Variants in CNTN5 observed in about 807,000 individuals in gnomAD.
CNTN5 encodes contactin 5, also known as contactin-5.
A neutral mutation model predicts 129.1 loss-of-function variants in CNTN5; 77 were observed. The observed-to-expected ratio is 0.60, with a 90% confidence interval of 0.50 to 0.72. CNTN5 has a LOEUF of 0.72. CNTN5 is among the 30% of genes least tolerant of loss of function. The pLI is 0.00. For missense variants in CNTN5, 1,478 were observed against 1,328.8 expected, an observed-to-expected ratio of 1.11 and a Z score of -1.75; for synonymous variants, 509 against 465.6, an observed-to-expected ratio of 1.09 and a Z score of -1.20.
At chr11:99,679,322 C>G (rs898189659) in intron 3 of CNTN5, among the ~76,000 whole-genome samples, 1 of 151,680 alleles carries the variant, frequency 6.6e-6, no homozygotes, top group African/African-American at 2.4e-5. Context: ...TGTGGAGATA[C>G]CTTGTGCTTT....
At chr11:99,608,223 T>G (rs1950488242) in intron 3 of CNTN5, among the ~76,000 whole-genome samples, 1 of 152,194 alleles carries the variant, frequency 6.6e-6, no homozygotes, top group Non-Finnish European at 1.5e-5. Flanking sequence ...TAAATATGTG[T>G]TGTCCCATCT....
chr11:100,051,476 A>G (rs1942953198), intron 9 of CNTN5, among the ~76,000 whole-genome samples: 2 of 151,970 alleles, frequency 1.3e-5, no homozygotes, highest in African/African-American at 2.4e-5. Context: ...TGTGTGTGAT[A>G]TAGTTAAAGC....
intron 1 of CNTN5, among the ~76,000 whole-genome samples, chr11:99,244,791 T>G (rs1182319303): frequency 1.3e-5 from 2 of 152,142 alleles, no homozygotes; most frequent in Non-Finnish European, 1.5e-5. Flanking sequence ...ATTTGAGAAT[T>G]TTCACCACAT....
chr11:100,190,644 C>T (rs754366123), intron 13 of CNTN5, among the ~76,000 whole-genome samples: 3 of 151,988 alleles, frequency 2.0e-5, no homozygotes, highest in Non-Finnish European at 4.4e-5. Context: ...CTGGTGGCAA[C>T]GCAGAATAAC....
intron 1 of CNTN5, among the ~76,000 whole-genome samples, chr11:99,282,049 C>T (rs1591465406): frequency 1.3e-5 from 2 of 152,062 alleles, no homozygotes; most frequent in East Asian, 1.9e-4. Flanking sequence ...TATGAAACTA[C>T]ACAAGAATGA....
At chr11:99,876,774 A>C (rs1948643222) in intron 6 of CNTN5, among the ~76,000 whole-genome samples, 1 of 152,138 alleles carries the variant, frequency 6.6e-6, no homozygotes. Flanking sequence ...TTTTACACTT[A>C]ATGAGGCTCA....
intron 13 of CNTN5, among the ~76,000 whole-genome samples, chr11:100,172,128 C>T (rs1895124): frequency 3.3e-5 from 5 of 151,858 alleles, no homozygotes; most frequent in South Asian, 4.1e-4. Flanking sequence ...AAAATGCAAA[C>T]GCAGTTTGCA....
chr11:99,352,870 G>A (rs1253634762), intron 2 of CNTN5, among the ~76,000 whole-genome samples: 1 of 152,158 alleles, frequency 6.6e-6, no homozygotes, highest in African/African-American at 2.4e-5. Context: ...GTTGCCAAGT[G>A]TCAACACCTG....
chr11:99,962,988 C>A (rs1214651720), intron 8 of CNTN5, among the ~76,000 whole-genome samples: 1 of 151,894 alleles, frequency 6.6e-6, no homozygotes, highest in African/African-American at 2.4e-5. Context: ...ATCCTTCGCC[C>A]ACTTTTTGAT....
At chr11:100,204,265 T>C (rs1831166667) in intron 15 of CNTN5, among the ~76,000 whole-genome samples, 1 of 117,858 alleles carries the variant, frequency 8.5e-6, no homozygotes. Context: ...ACTAGCCATT[T>C]AGAGTAGCTC....
At chr11:99,350,940 C>T (rs1311486250) in intron 2 of CNTN5, among the ~76,000 whole-genome samples, 1 of 151,730 alleles carries the variant, frequency 6.6e-6, no homozygotes, top group African/African-American at 2.4e-5. Flanking sequence ...AAGTTAGTTC[C>T]TAAAACCAAG....
chr11:99,256,265 A>G (rs141423940), intron 1 of CNTN5, among the ~76,000 whole-genome samples: 2 of 152,220 alleles, frequency 1.3e-5, no homozygotes, highest in Non-Finnish European at 2.9e-5. Context: ...TATAGTGTAT[A>G]CAAATGTCAA....
At chr11:99,961,206 G>GA (rs769692454) in intron 8 of CNTN5, among the ~76,000 whole-genome samples, 5,522 of 95,578 alleles carry the variant, frequency 0.058, 511 homozygotes, top group East Asian at 0.32. Flanking sequence ...CTCCGTCTCA[G>GA]AAAAAAAAAA....
intron 1 of CNTN5, among the ~76,000 whole-genome samples, chr11:99,086,673 A>G (rs1222287282): frequency 6.6e-6 from 1 of 152,210 alleles, no homozygotes. Flanking sequence ...ACTTTAACCA[A>G]GAATATAAAC....
intron 18 of CNTN5, among the ~76,000 whole-genome samples, chr11:100,285,806 G>A (rs541922466): frequency 1.1e-4 from 17 of 152,298 alleles, no homozygotes; most frequent in African/African-American, 2.9e-4. Flanking sequence ...CGTGAGCGAC[G>A]CAGAAGACGG....
At chr11:99,486,366 T>C (rs1945811765) in intron 2 of CNTN5, among the ~76,000 whole-genome samples, 1 of 152,152 alleles carries the variant, frequency 6.6e-6, no homozygotes, top group South Asian at 2.1e-4. Context: ...GCTCATACTG[T>C]GTATTGTTTA....
chr11:99,592,135 G>A (rs1949998508), intron 3 of CNTN5, among the ~76,000 whole-genome samples: 1 of 152,128 alleles, frequency 6.6e-6, no homozygotes, highest in Non-Finnish European at 1.5e-5. Context: ...TCTAAACAGA[G>A]GTTGCTTAGG....
At chr11:99,776,146 G>A (rs1945115450) in intron 3 of CNTN5, among the ~76,000 whole-genome samples, 1 of 149,518 alleles carries the variant, frequency 6.7e-6, no homozygotes, top group Admixed American at 6.8e-5. Context: ...GGCATTGCTA[G>A]CATAATGAAT....
chr11:99,927,548 TC>T (rs1457684433), intron 7 of CNTN5, among the ~76,000 whole-genome samples: 2 of 152,052 alleles, frequency 1.3e-5, no homozygotes, highest in Non-Finnish European at 1.5e-5. Context: ...AGCAAATACA[TC>T]CTTTTTCACA....
Sources: allele counts gnomAD v4.1 joint callset (sites outside exome capture counted in the v4.1 genomes callset), GRCh38; gene constraint gnomAD v4.1.1; transcripts MANE v1.5; gene names NCBI Gene and HGNC (gene_info 2026-07-23, HGNC 2026-07-21).